Variants in MGAT4C observed in about 807,000 individuals in gnomAD.
The protein encoded by MGAT4C is alpha-1,3-mannosyl-glycoprotein 4-beta-N-acetylglucosaminyltransferase C.
MGAT4C carries 19 observed loss-of-function variants against 40.1 expected under a neutral mutation model. That is an observed-to-expected ratio of 0.47 (90% confidence interval 0.33 to 0.70). MGAT4C has a LOEUF of 0.70. Among genes scored for constraint, MGAT4C ranks in the 30% least tolerant of loss-of-function variants. MGAT4C has a pLI of 0.02. For synonymous variants in MGAT4C, 181 were observed against 187.1 expected (o/e 0.97, Z 0.27); for missense variants, 491 against 563.2 (o/e 0.87, Z 1.30).
chr12:86,388,475 C>G (rs1956100452), intron 3 of MGAT4C, among the ~76,000 whole-genome samples: 1 of 151,672 alleles, frequency 6.6e-6, no homozygotes, highest in Non-Finnish European at 1.5e-5. Flanking sequence ...TATTTTGAAC[C>G]AATAATATAA....
chr12:86,355,170 A>C (rs1166495922), intron 3 of MGAT4C, among the ~76,000 whole-genome samples: 1 of 152,010 alleles, frequency 6.6e-6, no homozygotes, highest in Non-Finnish European at 1.5e-5. Flanking sequence ...ATTTTTACAG[A>C]GCATTGATTG....
chr12:85,961,237 G>C lies in MGAT4C; in HGVS notation c.*18052C>G, dbSNP rs1196405311. Reference sequence around the variant, plus strand: ...CTGTCAACTCTATGGGCATTGTTTAGCAGCCTCGAAACACTGAACTTTTTA... The same window carrying C: ...CTGTCAACTCTATGGGCATTGTTTACCAGCCTCGAAACACTGAACTTTTTA... On this transcript the variant is annotated 3_prime_UTR_variant, in exon 5 of 5. Transcript: ENST00000611864. 6.6e-6 allele frequency: 1 copy of C among 151,810 alleles called. No individual in the cohort carries two copies. Among genetic ancestry groups the C allele is most frequent in the Non-Finnish European group, 1.5e-5 (1 of 67,800 alleles). The allele number at this position is 151,810 out of a possible 1,614,324, so 9.4% of individuals were successfully genotyped here.
At chr12:86,789,065 G>GAA (rs1951980903) in intron 1 of MGAT4C, among the ~76,000 whole-genome samples, 1 of 152,068 alleles carries the variant, frequency 6.6e-6, no homozygotes, top group Admixed American at 6.6e-5. Flanking sequence ...AGAGCAAAGT[G>GAA]AAAGTAGGAA....
intron 1 of MGAT4C, among the ~76,000 whole-genome samples, chr12:86,757,030 C>T (rs540031886): frequency 2.0e-5 from 3 of 152,052 alleles, no homozygotes; most frequent in Non-Finnish European, 2.9e-5. Flanking sequence ...ATATAAATTA[C>T]AGCCATAAAA....
chr12:86,238,398 G>A (rs1951642228), intron 1 of MGAT4C, among the ~76,000 whole-genome samples: 1 of 151,862 alleles, frequency 6.6e-6, no homozygotes, highest in African/African-American at 2.4e-5. Context: ...CAATCATCAA[G>A]TTTACAAAAT....
intron 1 of MGAT4C, among the ~76,000 whole-genome samples, chr12:86,093,713 G>C (rs983077016): frequency 2.0e-5 from 3 of 150,766 alleles, no homozygotes; most frequent in Non-Finnish European, 4.4e-5. Context: ...GGGCAAGGCA[G>C]AGTGAGACTC....
At chr12:86,667,447 G>A (rs574719987) in intron 2 of MGAT4C, among the ~76,000 whole-genome samples, 5 of 152,230 alleles carry the variant, frequency 3.3e-5, no homozygotes, top group East Asian at 1.9e-4. Context: ...ACTAGAATTC[G>A]TACTCCTATT....
intron 3 of MGAT4C, among the ~76,000 whole-genome samples, chr12:86,343,549 C>A (rs1016174046): frequency 3.3e-5 from 5 of 151,994 alleles, no homozygotes; most frequent in Admixed American, 6.6e-5. Flanking sequence ...AAATTCTAAA[C>A]AAGGGAAGCT....
At position 86,764,239 on chromosome 12, in the gene MGAT4C, G is replaced by A. The variant is rs182517004; in HGVS notation, c.-261-36998C>T. 8.6e-3 allele frequency among the ~76,000 whole-genome samples: 1,308 copies of A among 152,262 alleles called. 8 individuals carry two copies. The highest frequency in any genetic ancestry group is 0.017 in the Middle Eastern group (5 of 294). On this transcript the variant is annotated intron_variant, in intron 1 of 7. Transcript: ENST00000548651. ...CCGCACCTGGCTTGGAGGGTCCTAT[G>A]CCCACGGAGTCTCGCTGATTGCTAG...
At chr12:86,027,971 T>C (rs781036638) in intron 2 of MGAT4C, 5 of 300,122 alleles carry the variant, frequency 1.7e-5, no homozygotes, top group Non-Finnish European at 2.5e-5. Flanking sequence ...CAACATAATA[T>C]TGTATTTTAT....
At chr12:85,989,726 A>G (rs1885664804) in intron 2 of MGAT4C, among the ~76,000 whole-genome samples, 174 bp from the exon 3 acceptor site, 1 of 152,102 alleles carries the variant, frequency 6.6e-6, no homozygotes, top group South Asian at 2.1e-4. Flanking sequence ...ATATGTTAAC[A>G]TAAGATCAAT....
chr12:86,113,648 G>C (rs1166798212), intron 1 of MGAT4C, among the ~76,000 whole-genome samples: 1 of 151,750 alleles, frequency 6.6e-6, no homozygotes, highest in African/African-American at 2.4e-5. Flanking sequence ...AAAGAGAAGT[G>C]AACTAGTAGA....
intron 2 of MGAT4C, among the ~76,000 whole-genome samples, chr12:86,452,581 T>A (rs552912492): frequency 6.6e-6 from 1 of 152,178 alleles, no homozygotes; most frequent in African/African-American, 2.4e-5. Context: ...CATGAAATAC[T>A]GGGCTCAATT....
chr12:86,386,716 GA>G lies in MGAT4C; in HGVS notation c.-120+48440del, dbSNP rs558562900. Among the ~76,000 whole-genome samples the G allele has an allele frequency of 4.9e-4, 74 of 152,058 alleles. 1 individual carries two copies. The highest frequency in any genetic ancestry group is 7.2e-4 in the Admixed American group (11 of 15,266). Reference sequence around the variant, plus strand: ...ATATTTTGGACTACTACTTTCAATAGAAAAAAATATTATGGAATAAGGTTGA... The same window carrying G: ...ATATTTTGGACTACTACTTTCAATAGAAAAAATATTATGGAATAAGGTTGA... On this transcript the variant is annotated intron_variant, in intron 3 of 7. Coordinates refer to the MGAT4C transcript ENST00000548651.
chr12:86,201,539 T>C (rs913225752), intron 1 of MGAT4C, among the ~76,000 whole-genome samples: 4 of 149,944 alleles, frequency 2.7e-5, no homozygotes, highest in Admixed American at 2.7e-4. Context: ...ATTTATATTT[T>C]ATGTAGTTAT....
intron 2 of MGAT4C, among the ~76,000 whole-genome samples, chr12:86,700,744 T>A (rs1950347606): frequency 6.6e-6 from 1 of 152,152 alleles, no homozygotes; most frequent in African/African-American, 2.4e-5. Flanking sequence ...TTCTAAGTAT[T>A]GATTCTTGCA....
chr12:86,262,010 C>T (rs1952668283), intron 4 of MGAT4C, among the ~76,000 whole-genome samples: 1 of 152,020 alleles, frequency 6.6e-6, no homozygotes, highest in Non-Finnish European at 1.5e-5. Context: ...ATATAAATAA[C>T]TCCCACATGC....
Position 85,980,118 on chromosome 12 carries a change from T to A in MGAT4C, c.608A>T (p.Asn203Ile). 6.2e-7 allele frequency: 1 copy of A among 1,613,908 alleles called. No individual in the cohort carries two copies. Among genetic ancestry groups the A allele is most frequent in the Non-Finnish European group, 8.5e-7 (1 of 1,179,890 alleles). Residue 203 changes from asparagine (N) to isoleucine (I), a missense_variant, in exon 5 of 5, where the codon AAT (asparagine) becomes ATT (isoleucine). Transcript: ENST00000611864. ...EDRVKFRSKQNVDYAFLLNFC... is the reference protein window; with the variant it reads ...EDRVKFRSKQIVDYAFLLNFC... ...ATTAAGCAGAAAAGCATAATCTACA[T>A]TTTGCTTGGAACGAAATTTGACTCT...
At chr12:86,831,027 G>A (rs928143599) in intron 1 of MGAT4C, among the ~76,000 whole-genome samples, 1 of 151,768 alleles carries the variant, frequency 6.6e-6, no homozygotes, top group Non-Finnish European at 1.5e-5. Context: ...TGCTCAGAAA[G>A]TTATTTTATG....
Sources: gnomAD v4.1 joint callset for allele counts (sites outside exome capture counted in the v4.1 genomes callset) on GRCh38, gnomAD v4.1.1 for gene constraint, MANE v1.5 for transcripts, NCBI Gene and HGNC (gene_info 2026-07-23, HGNC 2026-07-21) for gene names.